The following TRERF1 variants were observed in gnomAD, a reference collection of about 807,000 sequenced individuals.
TRERF1 encodes the protein transcriptional-regulating factor 1.
TRERF1 carries 27 observed loss-of-function variants against 122.9 expected under a neutral mutation model. That is an observed-to-expected ratio of 0.22 (90% CI 0.16 to 0.30). The LOEUF (loss-of-function observed/expected upper bound fraction) is 0.30, where lower values mean the gene tolerates loss of function less well. TRERF1 is among the 10% of genes least tolerant of loss of function. The pLI is 1.00. For synonymous variants in TRERF1, 636 were observed against 641.7 expected (o/e 0.99, Z 0.13); for missense variants, 1,248 against 1,560.3 (o/e 0.80, Z 3.37).
At chr6:42,360,817 G>T (rs575861951) in intron 3 of TRERF1, among the ~76,000 whole-genome samples, 29 of 139,308 alleles carry the variant, frequency 2.1e-4, no homozygotes, top group South Asian at 7.2e-4. Context: ...GATGGTTTAG[G>T]ATACTGCTGA....
At chr6:42,315,315 T>C (rs760353062) in intron 3 of TRERF1, among the ~76,000 whole-genome samples, 50 of 152,150 alleles carry the variant, frequency 3.3e-4, no homozygotes, top group Non-Finnish European at 4.4e-4. Context: ...GCTCCAAATG[T>C]CAATAGCACT....
At chr6:42,280,196 A>G (rs1782055621) in intron 4 of TRERF1, among the ~76,000 whole-genome samples, 1 of 152,154 alleles carries the variant, frequency 6.6e-6, no homozygotes, top group South Asian at 2.1e-4. Context: ...GACAAGCCAC[A>G]GTCCCTTTTG....
At chr6:42,313,578 C>T (rs1762022201) in intron 3 of TRERF1, among the ~76,000 whole-genome samples, 1 of 152,132 alleles carries the variant, frequency 6.6e-6, no homozygotes, top group African/African-American at 2.4e-5. Flanking sequence ...TGCAAACGTG[C>T]TCAAGTTGTG....
intron 8 of TRERF1, among the ~76,000 whole-genome samples, chr6:42,262,364 A>G (rs1367577699): frequency 6.6e-6 from 1 of 151,360 alleles, no homozygotes. Flanking sequence ...AATATGACCC[A>G]ACATGCCACT....
At chr6:42,236,492 G>A (rs1772230809) in intron 15 of TRERF1, 81 bp from the exon 16 acceptor site, 7 of 1,499,592 alleles carry the variant, frequency 4.7e-6, no homozygotes, top group Non-Finnish European at 6.2e-6. Flanking sequence ...CAGATCAACA[G>A]AGGAGAGAGG....
At chr6:42,329,675 C>T (rs142163845) in intron 3 of TRERF1, among the ~76,000 whole-genome samples, 1,671 of 152,204 alleles carry the variant, frequency 0.011, 34 homozygotes, top group African/African-American at 0.037. Context: ...AGGAAAAAGA[C>T]CGAGACATTT....
rs1781215787 is a variant in TRERF1, at chr6:42,276,753, C to G, written c.-258-6905G>C. Among the ~76,000 whole-genome samples, 2 of 152,204 alleles carry G rather than the reference C, an allele frequency of 1.3e-5. No homozygotes were observed. Among genetic ancestry groups the G allele is most frequent in the Non-Finnish European group, 2.9e-5 (2 of 68,044 alleles). ...TGAGTGGTTTGCTCTTACTCCTTCA[C>G]AGCCCTGGCTTTCCTGCTGACTCTG... On this transcript the variant is annotated intron_variant, in intron 4 of 17. Transcript: ENST00000372922. The surrounding 1 kb of genome is among the most constrained non-coding windows in gnomAD (Gnocchi z 4.3).
chr6:42,372,111 G>T (rs1257979639), intron 2 of TRERF1, among the ~76,000 whole-genome samples: 1 of 152,162 alleles, frequency 6.6e-6, no homozygotes, highest in African/African-American at 2.4e-5. Context: ...GAACCCAGAA[G>T]CCAGAGGTTG....
intron 3 of TRERF1, among the ~76,000 whole-genome samples, chr6:42,357,318 G>A (rs892634954): frequency 1.3e-4 from 14 of 108,014 alleles, no homozygotes; most frequent in African/African-American, 5.7e-4. Flanking sequence ...AAAAGAGTAA[G>A]ACTCTGTCTC....
chr6:42,390,047 T>C (rs1034553085), intron 2 of TRERF1, among the ~76,000 whole-genome samples: 16 of 152,096 alleles, frequency 1.1e-4, no homozygotes, highest in Non-Finnish European at 2.1e-4. Flanking sequence ...GGAAACTAAT[T>C]ATTGAATCGC....
At chr6:42,257,494 C>G (rs548630056) in intron 10 of TRERF1, among the ~76,000 whole-genome samples, 2 of 152,294 alleles carry the variant, frequency 1.3e-5, no homozygotes, top group African/African-American at 4.8e-5. Flanking sequence ...CAGATATTAT[C>G]CCATCCGAAC....
At chr6:42,439,551 T>A (rs1786100916) in intron 2 of TRERF1, among the ~76,000 whole-genome samples, 2 of 152,054 alleles carry the variant, frequency 1.3e-5, no homozygotes, top group African/African-American at 4.8e-5. Context: ...ACTGCTGCAC[T>A]CCAGCCTGGG....
chr6:42,295,165 A>G (rs1784883536), intron 4 of TRERF1, among the ~76,000 whole-genome samples: 1 of 152,204 alleles, frequency 6.6e-6, no homozygotes, highest in Non-Finnish European at 1.5e-5. Context: ...TAGTCCCCCT[A>G]GAAACCTTCA....
intron 2 of TRERF1, among the ~76,000 whole-genome samples, chr6:42,434,223 G>A (rs1784908561): frequency 6.6e-6 from 1 of 152,126 alleles, no homozygotes; most frequent in Non-Finnish European, 1.5e-5. Flanking sequence ...AGAAAGGGAG[G>A]AGAGGATTAA....
At chr6:42,347,003 G>A (rs1768421327) in intron 3 of TRERF1, among the ~76,000 whole-genome samples, 2 of 152,174 alleles carry the variant, frequency 1.3e-5, no homozygotes, top group Non-Finnish European at 2.9e-5. Flanking sequence ...CTTTATTGCT[G>A]TTCTTAAAAT....
rs1421345148 is a variant in TRERF1, at chr6:42,277,901, AGAAG to A, written c.-258-8057_-258-8054del. On this transcript the variant is annotated intron_variant, in intron 4 of 17. Transcript: ENST00000372922. ...AGGAAGAAGGAAGAAGGAAGAAGGA[AGAAG>A]GAAGAAGAAGAAGAAGAAGAAGAAG... Among the ~76,000 whole-genome samples, 722 of 104,094 alleles carry A rather than the reference AGAAG, an allele frequency of 6.9e-3. 7 individuals are homozygous for A. The highest frequency in any genetic ancestry group is 0.019 in the African/African-American group (463 of 24,796). The allele number at this position is 104,094 out of a possible 152,430, so 68.3% of individuals were successfully genotyped here. A position where few individuals can be genotyped will look rare whatever the true frequency, so the allele number is the denominator to read the frequency against.
intron 5 of TRERF1, among the ~76,000 whole-genome samples, chr6:42,267,718 A>G (rs1324856913): frequency 6.6e-6 from 1 of 152,234 alleles, no homozygotes; most frequent in African/African-American, 2.4e-5. Flanking sequence ...TCCATTAAAC[A>G]CTGTGGAATG....
chr6:42,235,084 G>GTTTTT (rs10644115), intron 16 of TRERF1, among the ~76,000 whole-genome samples: 1 of 148,272 alleles, frequency 6.7e-6, no homozygotes, highest in African/African-American at 2.5e-5. Context: ...TATCTTTTTT[G>GTTTTT]TTTTTTTTTT....
intron 2 of TRERF1, among the ~76,000 whole-genome samples, chr6:42,420,016 T>C (rs1173895161): frequency 6.6e-6 from 1 of 152,136 alleles, no homozygotes; most frequent in East Asian, 1.9e-4. Context: ...ATTAGAAGAT[T>C]TGTCTTTTAT....
Sources: gnomAD v4.1 joint callset for allele counts (sites outside exome capture counted in the v4.1 genomes callset) on GRCh38, gnomAD v4.1.1 for gene constraint, Gnocchi (gnomAD v3.1) non-coding constraint, MANE v1.5 for transcripts, NCBI Gene and HGNC (gene_info 2026-07-23, HGNC 2026-07-21) for gene names.